Variants in RGS13 observed in about 807,000 individuals in gnomAD.
RGS13 encodes the protein regulator of G protein signaling 13.
Under a neutral mutation model 19.9 loss-of-function variants are expected in RGS13, and 14 were observed. The ratio of observed to expected loss-of-function variants is 0.70; its 90% CI spans 0.46 to 1.10. The LOEUF is 1.10. Among genes scored for constraint, RGS13 ranks in the 50% least tolerant of loss-of-function variants. The probability of loss-of-function intolerance (pLI) is 0.00; values close to 1 mark genes in which losing one functional copy is unlikely to be tolerated. For synonymous variants in RGS13, 60 were observed against 56.8 expected, an observed-to-expected ratio of 1.06 and a Z score of -0.25; for missense variants, 205 against 187.1, an observed-to-expected ratio of 1.10 and a Z score of -0.56.
chr1:192,641,254 A>AAAGAAAGAAAAG (rs1553257010), intron 3 of RGS13, among the ~76,000 whole-genome samples: 6 of 67,390 alleles, frequency 8.9e-5, no homozygotes, highest in African/African-American at 3.1e-4. Context: ...GAAAAGAAAG[A>AAAGAAAGAAAAG]AAAGAAAGAA....
rs534782265 is a variant in RGS13 at position 192,652,887 on chromosome 1, G to A, written c.127+4900G>A. ...TCCAAGGGTTCTCAGGTGAATGGGA[G>A]GATAATGGAAGGAAACCACAGCAAA... On this transcript the variant is annotated intron_variant, in intron 5 of 6. Transcript: ENST00000391995. 1.1e-4 allele frequency among the ~76,000 whole-genome samples: 17 copies of A among 152,106 alleles called. No homozygotes were observed. In the South Asian group the frequency reaches 3.5e-3, roughly 32 times the overall value.
Position 192,659,602 on chromosome 1 carries a change from T to A in RGS13, c.*79T>A, listed in dbSNP as rs1663575168. 1.0e-6 allele frequency: 1 copy of A among 973,024 alleles called. No homozygotes were observed. The highest frequency in any genetic ancestry group is 2.6e-5 in the East Asian group (1 of 38,638). The allele number at this position is 973,024 out of a possible 1,614,324, so 60.3% of individuals were successfully genotyped here. ...TCTTTTTATTTAGAAACCCACAAAATCAGAAACACAGTACAAATAAAACAG... is the reference window on the plus strand; with the variant it reads ...TCTTTTTATTTAGAAACCCACAAAAACAGAAACACAGTACAAATAAAACAG... On this transcript the variant is annotated 3_prime_UTR_variant, in exon 7 of 7. Transcript: ENST00000391995.
chr1:192,645,774 A>C (rs1471473171), intron 4 of RGS13: 1 of 152,152 alleles, frequency 6.6e-6, no homozygotes, highest in Admixed American at 6.5e-5. Context: ...AATGGGGTTC[A>C]ATTAAAAACA....
chr1:192,642,741 G>GT (rs1663147986), intron 3 of RGS13, among the ~76,000 whole-genome samples: 1 of 152,122 alleles, frequency 6.6e-6, no homozygotes, highest in Admixed American at 6.6e-5. Flanking sequence ...CAGCTCAGAT[G>GT]TTACTTAACT....
rs935722956 is a variant in RGS13, at chr1:192,659,796, T to A, written c.*273T>A. 1 of 272,382 alleles carries A rather than the reference T, an allele frequency of 3.7e-6. No individual in the cohort carries two copies. The highest frequency in any genetic ancestry group is 6.8e-6 in the Non-Finnish European group (1 of 147,680). The allele number at this position is 272,382 out of a possible 1,614,324, so 16.9% of individuals were successfully genotyped here. A position where few individuals can be genotyped will look rare whatever the true frequency, so the allele number is the denominator to read the frequency against. On this transcript the variant is annotated 3_prime_UTR_variant, in exon 7 of 7. Coordinates refer to ENST00000391995, the MANE Select transcript of RGS13 (RefSeq NM_002927.5). ...TCTTCATGATACAAGCATTATAAAG[T>A]TTTTACTGTAGTAGTCAATTAATGG...
In RGS13 at chr1:192,659,474, A is replaced by C. The variant is rs780957892; in HGVS notation, c.431A>C (p.Glu144Ala). Residue 144 changes from glutamate (E) to alanine (A), a missense_variant, in exon 7 of 7, where the codon GAA becomes GCA. Glu to Ala is a moderately radical substitution (Grantham distance 107). Coordinates refer to ENST00000391995, the MANE Select transcript of RGS13 (RefSeq NM_002927.5). ...TCCTACCCCAGATTTCTAAAGTCAG[A>C]AATGTACCAAAAACTTTTGAAAACT... ...RDSYPRFLKS[E>A]MYQKLLKTMQ... 12 of 1,612,678 alleles carry C rather than the reference A, an allele frequency of 7.4e-6. No individual in the cohort carries two copies. The South Asian group carries it at 1.3e-4, about 18-fold the overall frequency.
chr1:192,659,269 C>A (rs1663563248), intron 6 of RGS13, 69 bp from the exon 7 acceptor site: 1 of 1,162,210 alleles, frequency 8.6e-7, no homozygotes, highest in Non-Finnish European at 1.2e-6. Flanking sequence ...TAAATTAAAC[C>A]TTTCTACTAT....
At chr1:192,641,077 C>T (rs1489456580) in intron 3 of RGS13, among the ~76,000 whole-genome samples, 4 of 144,746 alleles carry the variant, frequency 2.8e-5, no homozygotes, top group Non-Finnish European at 4.5e-5. Context: ...TTTCTATCAA[C>T]AGCTTTCAAG....
chr1:192,636,998 G>C (rs1160470466), intron 1 of RGS13, among the ~76,000 whole-genome samples: 1 of 151,740 alleles, frequency 6.6e-6, no homozygotes, highest in East Asian at 1.9e-4. Context: ...AGACAGAATT[G>C]CTTTAAGAAA....
At position 192,651,907 on chromosome 1, in the gene RGS13, T is replaced by C. The variant is rs185671493; in HGVS notation, c.127+3920T>C. ...AGAGAACCATGATACTATGGAAGGCTCATTGGTTGACTGGGCAGTGTTGAG... is the reference window on the plus strand; with the variant it reads ...AGAGAACCATGATACTATGGAAGGCCCATTGGTTGACTGGGCAGTGTTGAG... On this transcript the variant is annotated intron_variant, in intron 5 of 6. Coordinates refer to ENST00000391995, the MANE Select transcript of RGS13 (RefSeq NM_002927.5). Among the ~76,000 whole-genome samples, 5 of 152,144 alleles carry C rather than the reference T, an allele frequency of 3.3e-5. No homozygotes were observed. In the East Asian group the frequency reaches 7.7e-4, roughly 24 times the overall value.
At chr1:192,651,800 G>A (rs1347818387) in intron 5 of RGS13, among the ~76,000 whole-genome samples, 4 of 152,000 alleles carry the variant, frequency 2.6e-5, no homozygotes, top group African/African-American at 4.8e-5. Context: ...AGGCAAGGTC[G>A]CCAGTAGATT....
chr1:192,654,790 G>T (rs1450421749), intron 5 of RGS13, among the ~76,000 whole-genome samples: 1 of 152,050 alleles, frequency 6.6e-6, no homozygotes. Context: ...GTGTGTCATA[G>T]AAATACTAAT....
chr1:192,636,666 T>A (rs1344216381), intron 1 of RGS13, among the ~76,000 whole-genome samples: 1 of 152,028 alleles, frequency 6.6e-6, no homozygotes, highest in African/African-American at 2.4e-5. Flanking sequence ...CAGACATAGC[T>A]GAATTATTTG....
rs117747051 is a variant in RGS13, at chr1:192,659,052, A to G, written c.295-286A>G. 1.5e-4 allele frequency: 39 copies of G among 254,390 alleles called. No homozygotes were observed. The East Asian group carries it at 2.8e-3, about 18-fold the overall frequency. 15.8% of individuals were successfully genotyped at this position (254,390 alleles called of 1,614,324 possible). On this transcript the variant is annotated intron_variant, in intron 6 of 6. Coordinates refer to ENST00000391995, the MANE Select transcript of RGS13 (RefSeq NM_002927.5). ...CTTCCTGATTTGTAGACTGCTACTA[A>G]GAAACCACTGCATCTTCCTGAGTAA...
chr1:192,650,439 G>A (rs1243539088), intron 5 of RGS13, among the ~76,000 whole-genome samples: 1 of 152,092 alleles, frequency 6.6e-6, no homozygotes, highest in Non-Finnish European at 1.5e-5. Context: ...GAATAAAAAT[G>A]TGTTTACATT....
At chr1:192,655,341 G>A (rs1441854235) in intron 5 of RGS13, among the ~76,000 whole-genome samples, 1 of 152,092 alleles carries the variant, frequency 6.6e-6, no homozygotes, top group Admixed American at 6.6e-5. Flanking sequence ...ATGGTAACAA[G>A]TGACATAAAA....
rs1663038994 is a variant in RGS13, at chr1:192,637,648, T to G, written c.-57T>G. 1 of 152,072 alleles carries G rather than the reference T, an allele frequency of 6.6e-6. No individual in the cohort carries two copies. Among genetic ancestry groups the G allele is most frequent in the South Asian group, 2.1e-4 (1 of 4,836 alleles). 9.4% of individuals were successfully genotyped at this position (152,072 alleles called of 1,614,324 possible). On this transcript the variant is annotated 5_prime_UTR_variant, in exon 2 of 7. Transcript: ENST00000391995. ...ACATGAGAAAAAAATGATCATTGTT[T>G]ATTTGAAGCTTGGTGAGTTTATCCA... is the stretch of plus-strand genomic sequence containing the variant.
At chr1:192,638,620 G>T (rs775942635) in intron 3 of RGS13, among the ~76,000 whole-genome samples, 2 of 152,060 alleles carry the variant, frequency 1.3e-5, no homozygotes, top group Non-Finnish European at 2.9e-5. Flanking sequence ...CAGGCTCCAG[G>T]CACAGGAGCA....
chr1:192,641,244 G>GAAAGAAAA (rs1402967524), intron 3 of RGS13, among the ~76,000 whole-genome samples: 1 of 95,186 alleles, frequency 1.1e-5, no homozygotes, highest in Non-Finnish European at 2.0e-5. Flanking sequence ...AAGAAAGAAA[G>GAAAGAAAA]AAAAGAAAGA....
Sources: allele counts gnomAD v4.1 joint callset (sites outside exome capture counted in the v4.1 genomes callset), GRCh38; gene constraint gnomAD v4.1.1; transcripts MANE v1.5; gene names NCBI Gene and HGNC (gene_info 2026-07-23, HGNC 2026-07-21).